Variants in AFF3 observed in about 807,000 individuals in gnomAD.
The protein encoded by AFF3 is AF4/FMR2 family member 3.
AFF3 carries 32 observed loss-of-function variants against 129.7 expected under a neutral mutation model. The observed-to-expected ratio is 0.25, with a 90% CI of 0.19 to 0.33. The LOEUF is 0.33. AFF3 is among the 10% of genes least tolerant of loss of function. The pLI, the probability that AFF3 is intolerant of heterozygous loss-of-function variation, is 1.00. For synonymous variants in AFF3, 644 were observed against 635.4 expected, an observed-to-expected ratio of 1.01 and a Z score of -0.20; for missense variants, 1,373 against 1,592.0, an observed-to-expected ratio of 0.86 and a Z score of 2.34.
At chr2:99,604,531 A>G (rs1680146848) in intron 13 of AFF3, among the ~76,000 whole-genome samples, 1 of 152,158 alleles carries the variant, frequency 6.6e-6, no homozygotes, top group South Asian at 2.1e-4. Context: ...GTACAGGCTT[A>G]ATATCTGAGT....
At chr2:99,718,498 C>CT (rs1389333591) in intron 11 of AFF3, among the ~76,000 whole-genome samples, 1 of 151,922 alleles carries the variant, frequency 6.6e-6, no homozygotes, top group African/African-American at 2.4e-5. Context: ...GGTTATTGAC[C>CT]TTTATAAGTT....
intron 4 of AFF3, among the ~76,000 whole-genome samples, chr2:100,022,126 T>C (rs572545752): frequency 6.6e-6 from 1 of 152,306 alleles, no homozygotes; most frequent in African/African-American, 2.4e-5. Context: ...TAAAGACGAT[T>C]AATTCTAAAT....
intron 7 of AFF3, among the ~76,000 whole-genome samples, chr2:99,914,477 A>T (rs1695318410): frequency 6.6e-6 from 1 of 152,218 alleles, no homozygotes; most frequent in South Asian, 2.1e-4. Flanking sequence ...AAGAGCCATC[A>T]TTAGGACAAC....
At chr2:99,801,993 A>G (rs965973513) in intron 8 of AFF3, among the ~76,000 whole-genome samples, 1 of 152,240 alleles carries the variant, frequency 6.6e-6, no homozygotes, top group Non-Finnish European at 1.5e-5. Context: ...ATATAATTAC[A>G]TAATTACTGT....
intron 2 of AFF3, among the ~76,000 whole-genome samples, chr2:100,114,830 A>C (rs989514353): frequency 4.1e-4 from 63 of 152,346 alleles, no homozygotes; most frequent in African/African-American, 1.5e-3. Flanking sequence ...CCCCGTGTTG[A>C]GTTCATTCCA....
intron 15 of AFF3, among the ~76,000 whole-genome samples, chr2:99,591,473 C>T (rs567932305): frequency 3.3e-5 from 5 of 152,336 alleles, no homozygotes; most frequent in Non-Finnish European, 7.4e-5. Context: ...AGGCTTGAGC[C>T]ACCGTACCCG....
chr2:100,039,817 G>A (rs926726262), intron 4 of AFF3, among the ~76,000 whole-genome samples: 5 of 152,088 alleles, frequency 3.3e-5, no homozygotes, highest in Non-Finnish European at 5.9e-5. Flanking sequence ...TGAGGTGATT[G>A]CCTGTCGCTT....
chr2:99,827,449 T>TG (rs1482793909), intron 8 of AFF3, among the ~76,000 whole-genome samples: 2 of 151,974 alleles, frequency 1.3e-5, no homozygotes, highest in African/African-American at 2.4e-5. Context: ...AGAGATCACA[T>TG]GGGGAAATGC....
chr2:99,680,290 G>A (rs58892876), intron 11 of AFF3, among the ~76,000 whole-genome samples: 1,971 of 152,290 alleles, frequency 0.013, 43 homozygotes, highest in African/African-American at 0.046. Flanking sequence ...CTGAAGATGG[G>A]TTTAAATCCT....
At chr2:99,899,762 A>AACAG (rs1403917201) in intron 7 of AFF3, among the ~76,000 whole-genome samples, 2 of 152,200 alleles carry the variant, frequency 1.3e-5, no homozygotes, top group Non-Finnish European at 2.9e-5. Context: ...ATGGCCAAGA[A>AACAG]ACAGAGGGGC....
intron 7 of AFF3, among the ~76,000 whole-genome samples, chr2:99,990,643 C>T (rs55743891): frequency 6.6e-6 from 1 of 152,038 alleles, no homozygotes; most frequent in Non-Finnish European, 1.5e-5. Context: ...CCAGATAATG[C>T]TACTCAGGGT....
chr2:99,951,274 TC>T (rs1045908705), intron 7 of AFF3, among the ~76,000 whole-genome samples: 22 of 152,202 alleles, frequency 1.4e-4, no homozygotes, highest in African/African-American at 5.3e-4. Context: ...TTTCTGCAAT[TC>T]TTGCAAGAGC....
intron 10 of AFF3, among the ~76,000 whole-genome samples, chr2:99,742,095 C>T (rs1055000601): frequency 2.6e-5 from 4 of 152,128 alleles, no homozygotes; most frequent in African/African-American, 9.7e-5. Context: ...GTGGCTCACA[C>T]CTATAATCTC....
In AFF3 at chr2:99,620,080, C is replaced by G. The variant is rs1303355622; in HGVS notation, c.1185-18459G>C. On this transcript the variant is annotated intron_variant, in intron 13 of 24. Coordinates refer to ENST00000672756, the MANE Select transcript of AFF3 (RefSeq NM_001386135.1). ...AGAAGGCCTGCTCCAGTAATGGGATCCTGGGTATTCCAGACAAACCAGATT... is the reference window on the plus strand; with the variant it reads ...AGAAGGCCTGCTCCAGTAATGGGATGCTGGGTATTCCAGACAAACCAGATT... Among the ~76,000 whole-genome samples, 12 of 152,174 alleles carry G rather than the reference C, an allele frequency of 7.9e-5. No homozygotes were observed. In the East Asian group the frequency reaches 2.3e-3, roughly 29 times the overall value.
intron 11 of AFF3, among the ~76,000 whole-genome samples, chr2:99,710,417 C>G (rs563105877): frequency 6.6e-6 from 1 of 152,004 alleles, no homozygotes; most frequent in East Asian, 1.9e-4. Context: ...CTACCATGCC[C>G]GACTAATTTT....
intron 11 of AFF3, among the ~76,000 whole-genome samples, chr2:99,716,874 C>T (rs1678442834): frequency 1.5e-5 from 1 of 68,174 alleles, no homozygotes; most frequent in Non-Finnish European, 2.7e-5. Context: ...CAGAGTGAGA[C>T]TCCGTCTCAA....
At chr2:99,725,899 T>C (rs563497866) in intron 11 of AFF3, among the ~76,000 whole-genome samples, 1 of 152,354 alleles carries the variant, frequency 6.6e-6, no homozygotes, top group African/African-American at 2.4e-5. Flanking sequence ...GCTTACATTC[T>C]GGTTGCATGA....
chr2:99,926,265 A>G (rs1558981241), intron 7 of AFF3, among the ~76,000 whole-genome samples: 1 of 152,232 alleles, frequency 6.6e-6, no homozygotes, highest in Non-Finnish European at 1.5e-5. Flanking sequence ...GTGCAACAGC[A>G]CAAAAGAAAT....
At chr2:100,049,790 T>C (rs1294183725) in intron 4 of AFF3, among the ~76,000 whole-genome samples, 1 of 152,120 alleles carries the variant, frequency 6.6e-6, no homozygotes, top group African/African-American at 2.4e-5. Context: ...ATATAAATAA[T>C]CCAATGGGCA....
Sources: gnomAD v4.1 joint callset for allele counts (sites outside exome capture counted in the v4.1 genomes callset) on GRCh38, gnomAD v4.1.1 for gene constraint, MANE v1.5 for transcripts, NCBI Gene and HGNC (gene_info 2026-07-23, HGNC 2026-07-21) for gene names.